Variants in LINGO2 observed in about 807,000 individuals in gnomAD.
The protein encoded by LINGO2 is leucine-rich repeat and immunoglobulin-like domain-containing nogo receptor-interacting protein 2.
Under a neutral mutation model 30.6 loss-of-function variants are expected in LINGO2, and 14 were observed. The ratio of observed to expected loss-of-function variants is 0.46; its 90% CI spans 0.30 to 0.72. The LOEUF (loss-of-function observed/expected upper bound fraction) is 0.72, where lower values mean the gene tolerates loss of function less well. Ranked by LOEUF, LINGO2 falls within the 30% of genes least tolerant of loss-of-function variation. The pLI, the probability that LINGO2 is intolerant of heterozygous loss-of-function variation, is 0.07. For synonymous variants in LINGO2, 317 were observed against 288.5 expected (o/e 1.10, Z -1.00); for missense variants, 729 against 751.7 (o/e 0.97, Z 0.35).
At chr9:28,883,993 G>T in the LINGO2 span, among the ~76,000 whole-genome samples, 1 of 151,602 alleles carries the variant, frequency 6.6e-6, no homozygotes, top group Non-Finnish European at 1.5e-5. Context: ...ATGTTATATT[G>T]TGTTTATTAT....
chr9:28,577,972 G>A (rs1587898666), intron 1 of LINGO2, among the ~76,000 whole-genome samples: 1 of 152,172 alleles, frequency 6.6e-6, no homozygotes, highest in African/African-American at 2.4e-5. Context: ...CAGCATATGG[G>A]AGAAACAAAG....
chr9:28,173,272 T>G (rs1828653185), intron 4 of LINGO2, among the ~76,000 whole-genome samples: 2 of 152,212 alleles, frequency 1.3e-5, no homozygotes, highest in South Asian at 4.1e-4. Flanking sequence ...CTCATATTCT[T>G]CATCCTCTAT....
At chr9:28,362,671 C>T (rs1342758049) in intron 3 of LINGO2, among the ~76,000 whole-genome samples, 4 of 151,952 alleles carry the variant, frequency 2.6e-5, no homozygotes, top group Non-Finnish European at 2.9e-5. Flanking sequence ...GGTTTCTCCA[C>T]GTTGGTCAGG....
At chr9:28,337,786 G>T (rs1247352358) in intron 3 of LINGO2, among the ~76,000 whole-genome samples, 1 of 152,140 alleles carries the variant, frequency 6.6e-6, no homozygotes, top group Non-Finnish European at 1.5e-5. Context: ...CAGAGGTCAA[G>T]AATTGAGGTT....
intron 5 of LINGO2, among the ~76,000 whole-genome samples, chr9:27,993,847 T>C (rs1185865945): frequency 6.6e-6 from 1 of 152,014 alleles, no homozygotes; most frequent in African/African-American, 2.4e-5. Context: ...TGCTGCTGAA[T>C]ATGCATTCTT....
At chr9:28,559,554 G>A (rs1472892368) in intron 1 of LINGO2, among the ~76,000 whole-genome samples, 1 of 152,000 alleles carries the variant, frequency 6.6e-6, no homozygotes, top group African/African-American at 2.4e-5. Flanking sequence ...ACGGCCTTTG[G>A]TATATGACTG....
the LINGO2 span, among the ~76,000 whole-genome samples, chr9:29,082,935 A>G: frequency 6.6e-6 from 1 of 152,128 alleles, no homozygotes; most frequent in Non-Finnish European, 1.5e-5. Flanking sequence ...AGGAAACAAC[A>G]GGTGCTGGAG....
At chr9:28,641,521 A>G (rs1051300747) in intron 1 of LINGO2, among the ~76,000 whole-genome samples, 6 of 152,174 alleles carry the variant, frequency 3.9e-5, no homozygotes, top group South Asian at 4.1e-4. Flanking sequence ...GTACAAGAGG[A>G]GGGCCTCTAA....
the LINGO2 span, among the ~76,000 whole-genome samples, chr9:28,967,022 T>A: frequency 6.6e-6 from 1 of 152,114 alleles, no homozygotes; most frequent in Non-Finnish European, 1.5e-5. Context: ...TCACCCATTT[T>A]GGAAAAGAAG....
intron 1 of LINGO2, among the ~76,000 whole-genome samples, chr9:28,560,081 GAAAAAA>G (rs57723247): frequency 2.4e-5 from 3 of 123,484 alleles, no homozygotes; most frequent in East Asian, 2.3e-4. Flanking sequence ...TATTTAGGAG[GAAAAAA>G]AAAAAAAAAA....
At chr9:28,098,374 T>A (rs918562075) in intron 4 of LINGO2, among the ~76,000 whole-genome samples, 1 of 152,144 alleles carries the variant, frequency 6.6e-6, no homozygotes, top group South Asian at 2.1e-4. Flanking sequence ...TACGTTTTAA[T>A]GGGTGAATTG....
the LINGO2 span, among the ~76,000 whole-genome samples, chr9:28,761,780 C>A: frequency 1.3e-5 from 2 of 151,916 alleles, no homozygotes; most frequent in African/African-American, 4.8e-5. Context: ...CAAATGGTCA[C>A]CCCAATTACT....
intron 4 of LINGO2, among the ~76,000 whole-genome samples, chr9:28,106,460 A>C (rs1010289263): frequency 6.6e-6 from 1 of 152,208 alleles, no homozygotes; most frequent in Non-Finnish European, 1.5e-5. Context: ...CCTAGGGGAT[A>C]CCATGCAAGA....
chr9:28,135,576 A>G (rs1005049562), intron 4 of LINGO2, among the ~76,000 whole-genome samples: 2 of 151,992 alleles, frequency 1.3e-5, no homozygotes, highest in Non-Finnish European at 2.9e-5. Context: ...AAACCTTTCA[A>G]TGGCCTCTGA....
At chr9:28,913,468 A>G in the LINGO2 span, among the ~76,000 whole-genome samples, 1 of 152,144 alleles carries the variant, frequency 6.6e-6, no homozygotes, top group Admixed American at 6.6e-5. Context: ...ACCATATTTT[A>G]TAATACTTTA....
intron 2 of LINGO2, among the ~76,000 whole-genome samples, chr9:28,471,449 T>C (rs917471770): frequency 3.3e-5 from 5 of 151,958 alleles, no homozygotes; most frequent in African/African-American, 1.2e-4. Flanking sequence ...CAAACAAGAG[T>C]GGCATTATTC....
At chr9:28,530,623 G>C (rs1821196721) in intron 1 of LINGO2, among the ~76,000 whole-genome samples, 1 of 152,022 alleles carries the variant, frequency 6.6e-6, no homozygotes, top group South Asian at 2.1e-4. Context: ...ATGGAGAAAT[G>C]GGTTAAAGAA....
chr9:28,312,799 A>C (rs6476054), intron 3 of LINGO2, among the ~76,000 whole-genome samples: 35,060 of 152,068 alleles, frequency 0.23, 4,558 homozygotes, highest in Non-Finnish European at 0.31. Flanking sequence ...AATCATTTAT[A>C]TCACTCTCAA....
intron 2 of LINGO2, among the ~76,000 whole-genome samples, chr9:28,419,802 G>T (rs1823115714): frequency 8.3e-6 from 1 of 121,090 alleles, no homozygotes; most frequent in Non-Finnish European, 1.9e-5. Flanking sequence ...ACAAAGTTAT[G>T]TATAATTTTA....
Sources: gnomAD v4.1 joint callset for allele counts (sites outside exome capture counted in the v4.1 genomes callset) on GRCh38, gnomAD v4.1.1 for gene constraint, MANE v1.5 for transcripts, NCBI Gene and HGNC (gene_info 2026-07-23, HGNC 2026-07-21) for gene names.